GOLGA3: variants seen among roughly 807,000 people sequenced by gnomAD.
GOLGA3 encodes golgin subfamily A member 3.
Under a neutral mutation model 169.4 loss-of-function variants are expected in GOLGA3, and 75 were observed. That is an observed-to-expected ratio of 0.44 (90% CI 0.37 to 0.54). The LOEUF (loss-of-function observed/expected upper bound fraction) is 0.54, where lower values mean the gene tolerates loss of function less well. Among genes scored for constraint, GOLGA3 ranks in the 20% least tolerant of loss-of-function variants. The probability of loss-of-function intolerance (pLI) is 0.00; values close to 1 mark genes in which losing one functional copy is unlikely to be tolerated. For synonymous variants in GOLGA3, 824 were observed against 822.4 expected (o/e 1.00, Z -0.03); for missense variants, 1,899 against 1,930.0 (o/e 0.98, Z 0.30).
At position 132,807,828 on chromosome 12, in the gene GOLGA3, CA is replaced by C. The variant is rs1375353319; in HGVS notation, c.1178+62del. Reference sequence around the variant, plus strand: ...GCCCCACCCACCTCTGCCCGCCCCACACCCCCCTCTGTTGGCCCCACCCACC... The same window carrying C: ...GCCCCACCCACCTCTGCCCGCCCCACCCCCCCTCTGTTGGCCCCACCCACC... On this transcript the variant is annotated intron_variant, in intron 5 of 23. Transcript: ENST00000450791. 11 of 521,138 alleles carry C rather than the reference CA, an allele frequency of 2.1e-5. No homozygotes were observed. The Admixed American group carries it at 4.0e-4, about 19-fold the overall frequency. The allele number at this position is 521,138 out of a possible 1,614,324, so 32.3% of individuals were successfully genotyped here.
intron 1 of GOLGA3, chr12:132,825,824 C>T (rs1950389497): frequency 1.8e-6 from 2 of 1,109,786 alleles, no homozygotes; most frequent in Non-Finnish European, 2.8e-6. Context: ...GAACATTGGT[C>T]TGGGCTTCAA....
At chr12:132,817,712 C>A (rs371976796) in intron 2 of GOLGA3, among the ~76,000 whole-genome samples, 2 of 12,536 alleles carry the variant, frequency 1.6e-4, no homozygotes, top group Non-Finnish European at 3.0e-4. Context: ...GTGAACCCGC[C>A]CTCCACACCT....
intron 4 of GOLGA3, 127 bp from the exon 5 acceptor site, chr12:132,808,676 C>A (rs1035973863): frequency 4.7e-5 from 36 of 760,648 alleles, no homozygotes; most frequent in Non-Finnish European, 7.4e-5. Flanking sequence ...ACCACCTCCC[C>A]AGCCCCTCAC....
intron 3 of GOLGA3, among the ~76,000 whole-genome samples, chr12:132,813,721 C>CTTTT (rs10717082): frequency 1.3e-5 from 1 of 78,878 alleles, no homozygotes; most frequent in Non-Finnish European, 2.5e-5. Flanking sequence ...CAGCAAGTGC[C>CTTTT]TTTTTTTTTT....
chr12:132,796,540 T>G lies in GOLGA3; in HGVS notation c.2099A>C (p.Gln700Pro), dbSNP rs1372724195. The part of the protein sequence containing the change: ...SAASLEQQLE[Q>P]VKLTLLQRDQ... ...GCCTGAAGGGCTGCAGGGACTTACC[T>G]GCTCCAGCTGCTGCTCCAGGGATGC... is the stretch of plus-strand genomic sequence containing the variant. Residue 700 changes from glutamine (Q) to proline (P), a missense_variant and splice_region_variant, in exon 10 of 24, where the codon CAG (glutamine) becomes CCG (proline). Gln to Pro is a moderately conservative substitution (Grantham distance 76). Coordinates refer to ENST00000450791, the MANE Select transcript of GOLGA3 (RefSeq NM_001389683.1). The G allele has an allele frequency of 6.2e-7, 1 of 1,609,008 alleles. No individual in the cohort carries two copies. Among genetic ancestry groups the G allele is most frequent in the African/African-American group, 1.3e-5 (1 of 75,038 alleles).
intron 2 of GOLGA3, among the ~76,000 whole-genome samples, chr12:132,819,603 G>A (rs887571524): frequency 2.6e-5 from 4 of 152,226 alleles, no homozygotes; most frequent in Non-Finnish European, 5.9e-5. Context: ...CATGCCTCCC[G>A]AAAGAAAAAC....
Position 132,775,144 on chromosome 12 carries a change from C to T in GOLGA3, c.4140G>A (p.Lys1380=). 1 of 1,613,146 alleles carries T rather than the reference C, an allele frequency of 6.2e-7. No individual in the cohort carries two copies. The highest frequency in any genetic ancestry group is 1.1e-5 in the South Asian group (1 of 91,070). ...LKLDLRRGAA[K]TRKEPKGEAS... is the part of the protein sequence containing the mutation. ...GGAGGGACGCGGGCCTGAGTACCGT[C>T]TTGGCCGCGCCGCGGCGTAGGTCCA... Residue 1380 remains lysine (K), a synonymous_variant, in exon 22 of 24, where the codon AAG becomes AAA. Transcript: ENST00000450791.
intron 15 of GOLGA3, among the ~76,000 whole-genome samples, chr12:132,784,909 TCA>T (rs571353030): frequency 8.8e-4 from 134 of 152,032 alleles, no homozygotes; most frequent in Non-Finnish European, 1.6e-3. Context: ...TGCTCACACC[TCA>T]CACATGCACG....
chr12:132,796,764 C>A, intron 9 of GOLGA3, 64 bp from the exon 10 acceptor site: 1 of 1,508,328 alleles, frequency 6.6e-7, no homozygotes, highest in South Asian at 1.2e-5. Flanking sequence ...CAGCCGGTGG[C>A]CCCGTGCTCT....
At chr12:132,798,970 C>T (rs574929881) in intron 8 of GOLGA3, among the ~76,000 whole-genome samples, 1 of 152,326 alleles carries the variant, frequency 6.6e-6, no homozygotes, top group South Asian at 2.1e-4. Context: ...CCACGCTGGC[C>T]AAGCGTCTCG....
At chr12:132,791,178 G>A in intron 12 of GOLGA3, 38 bp downstream of exon 12, 2 of 1,163,840 alleles carry the variant, frequency 1.7e-6, no homozygotes, top group Non-Finnish European at 2.6e-6. Flanking sequence ...CTGTTCATAT[G>A]CTTGTTTCAA....
intron 15 of GOLGA3, among the ~76,000 whole-genome samples, chr12:132,784,646 GCACCA>G (rs1422837564): frequency 6.6e-6 from 1 of 151,448 alleles, no homozygotes; most frequent in Non-Finnish European, 1.5e-5. Context: ...ACATGCTCAC[GCACCA>G]CACATCACAT....
intron 8 of GOLGA3, among the ~76,000 whole-genome samples, chr12:132,800,940 C>T (rs748610991): frequency 1.1e-4 from 16 of 152,094 alleles, no homozygotes; most frequent in South Asian, 2.1e-4. Flanking sequence ...GCCTGGGTGA[C>T]GGAGTGAGAC....
rs541324446 is a variant in GOLGA3 at position 132,788,970 on chromosome 12, G to A, written c.2811+57C>T. On this transcript the variant is annotated intron_variant, in intron 13 of 23. Transcript: ENST00000450791. ...CCCCAGACACAGGCCCCACCCTCCCGACAAGCACTTTGGCCGAATCCTCCC... is the reference window on the plus strand; with the variant it reads ...CCCCAGACACAGGCCCCACCCTCCCAACAAGCACTTTGGCCGAATCCTCCC... 929 of 257,848 alleles carry A rather than the reference G, an allele frequency of 3.6e-3. 2 individuals carry two copies. The African/African-American group carries it at 0.055, about 15-fold the overall frequency. The allele number at this position is 257,848 out of a possible 1,614,324, so 16.0% of individuals were successfully genotyped here.
chr12:132,806,957 G>A (rs1233059695), intron 6 of GOLGA3, among the ~76,000 whole-genome samples: 3 of 151,990 alleles, frequency 2.0e-5, no homozygotes, highest in Non-Finnish European at 2.9e-5. Flanking sequence ...TGGTAGAGAC[G>A]CAGGGAGAAA....
intron 16 of GOLGA3, among the ~76,000 whole-genome samples, chr12:132,783,543 C>T (rs1385018948): frequency 1.9e-4 from 6 of 31,916 alleles, no homozygotes; most frequent in African/African-American, 2.4e-4. Context: ...CCACCAGCAG[C>T]GCTGAAGCGA....
rs754660528 is a variant in GOLGA3, at chr12:132,774,311, G to A, written c.4153C>T (p.Pro1385Ser). Residue 1385 changes from proline to serine, a missense_variant, in exon 23 of 24, where the codon CCG (proline) becomes TCG (serine). Pro to Ser is a moderately conservative substitution (Grantham distance 74). Transcript: ENST00000450791. Reference protein sequence around the residue: ...RRGAAKTRKEPKGEASSSNPA... With the variant: ...RRGAAKTRKESKGEASSSNPA... Reference sequence around the variant, plus strand: ...TTGGAAGAGCTGGCCTCGCCTTTCGGCTCCTTTCTCTGTTTTTAAAAGCAC... The same window carrying A: ...TTGGAAGAGCTGGCCTCGCCTTTCGACTCCTTTCTCTGTTTTTAAAAGCAC... 1 of 1,611,834 alleles carries A rather than the reference G, an allele frequency of 6.2e-7. No homozygotes were observed. Among genetic ancestry groups the A allele is most frequent in the South Asian group, 1.1e-5 (1 of 91,084 alleles).
At chr12:132,775,961 G>A (rs1354956497) in intron 21 of GOLGA3, among the ~76,000 whole-genome samples, 1 of 152,250 alleles carries the variant, frequency 6.6e-6, no homozygotes, top group African/African-American at 2.4e-5. Context: ...GCGCGGCCAA[G>A]GGATCGGAGC....
chr12:132,783,921 T>G, intron 16 of GOLGA3: 1 of 1,431,940 alleles, frequency 7.0e-7, no homozygotes, highest in Non-Finnish European at 9.1e-7. Flanking sequence ...CTGAGAAGGG[T>G]TCCACTATGA....
Sources: allele counts gnomAD v4.1 joint callset (sites outside exome capture counted in the v4.1 genomes callset), GRCh38; gene constraint gnomAD v4.1.1; transcripts MANE v1.5; gene names NCBI Gene and HGNC (gene_info 2026-07-23, HGNC 2026-07-21).